ADAMTSL1: variants seen among roughly 807,000 people sequenced by gnomAD.
ADAMTSL1 encodes the protein ADAMTS like 1.
A neutral mutation model predicts 201.8 loss-of-function variants in ADAMTSL1; 126 were observed. The ratio of observed to expected loss-of-function variants is 0.62; its 90% CI spans 0.54 to 0.72. ADAMTSL1 has a LOEUF of 0.72. ADAMTSL1 is among the 30% of genes least tolerant of loss of function. The pLI, the probability that ADAMTSL1 is intolerant of heterozygous loss-of-function variation, is 0.00. For synonymous variants in ADAMTSL1, 1,121 were observed against 903.4 expected, an observed-to-expected ratio of 1.24 and a Z score of -4.32; for missense variants, 2,679 against 2,277.8, an observed-to-expected ratio of 1.18 and a Z score of -3.59.
chr9:17,996,888 A>C (rs571615339), intron 1 of ADAMTSL1, among the ~76,000 whole-genome samples: 1 of 152,298 alleles, frequency 6.6e-6, no homozygotes, highest in African/African-American at 2.4e-5. Flanking sequence ...TAAGCTGCAG[A>C]AGAATGATGA....
intron 3 of ADAMTSL1, among the ~76,000 whole-genome samples, chr9:18,545,259 T>C (rs1820403630): frequency 6.6e-6 from 1 of 152,132 alleles, no homozygotes; most frequent in Non-Finnish European, 1.5e-5. Flanking sequence ...ATAAGGAAAT[T>C]GGAACATTTA....
intron 15 of ADAMTSL1, among the ~76,000 whole-genome samples, chr9:18,746,708 C>G (rs1181450275): frequency 6.6e-6 from 1 of 151,582 alleles, no homozygotes; most frequent in African/African-American, 2.4e-5. Context: ...AGTCATCACC[C>G]TCTCTGAAAG....
At chr9:17,996,508 C>A (rs12002503) in intron 1 of ADAMTSL1, among the ~76,000 whole-genome samples, 7,112 of 152,062 alleles carry the variant, frequency 0.047, 382 homozygotes, top group African/African-American at 0.12. Context: ...GATCATTGGG[C>A]AAGGCAGAAT....
intron 2 of ADAMTSL1, among the ~76,000 whole-genome samples, chr9:18,463,858 C>A (rs1820900370): frequency 6.6e-6 from 1 of 152,160 alleles, no homozygotes; most frequent in South Asian, 2.1e-4. Flanking sequence ...ACTTTCATTT[C>A]TTTTGTGTAT....
intron 23 of ADAMTSL1, among the ~76,000 whole-genome samples, chr9:18,880,871 T>G (rs1000479977): frequency 1.3e-5 from 2 of 152,248 alleles, no homozygotes; most frequent in African/African-American, 4.8e-5. Flanking sequence ...GAAAATCTCT[T>G]GTGTTTAACA....
At chr9:18,257,344 T>G (rs1831728728) in intron 2 of ADAMTSL1, among the ~76,000 whole-genome samples, 1 of 152,160 alleles carries the variant, frequency 6.6e-6, no homozygotes. Context: ...CCAACTCAAT[T>G]AAAAATTTGC....
At chr9:18,290,338 C>G (rs1398399361) in intron 2 of ADAMTSL1, among the ~76,000 whole-genome samples, 2 of 150,058 alleles carry the variant, frequency 1.3e-5, no homozygotes, top group East Asian at 3.9e-4. Flanking sequence ...AGCAAGATGA[C>G]AAAGCAGTGA....
intron 2 of ADAMTSL1, among the ~76,000 whole-genome samples, chr9:18,258,507 C>T (rs1373846055): frequency 1.3e-5 from 2 of 152,162 alleles, no homozygotes; most frequent in Non-Finnish European, 2.9e-5. Flanking sequence ...CTCTCTTCTT[C>T]CCTTAATCTG....
chr9:18,606,250 A>C (rs1289948258), intron 4 of ADAMTSL1, among the ~76,000 whole-genome samples: 1 of 152,160 alleles, frequency 6.6e-6, no homozygotes, highest in Non-Finnish European at 1.5e-5. Context: ...ATTGAAAATA[A>C]ATTTTCAAGG....
intron 1 of ADAMTSL1, among the ~76,000 whole-genome samples, chr9:18,051,709 T>C (rs756627287): frequency 6.6e-6 from 1 of 152,192 alleles, no homozygotes. Flanking sequence ...AAGAAGCTCC[T>C]GTTATGAAGC....
rs529371041 is a variant in ADAMTSL1, at chr9:18,259,913, T to A, written c.207+95932T>A. Among the ~76,000 whole-genome samples, 8 of 152,336 alleles carry A rather than the reference T, an allele frequency of 5.3e-5. 1 individual carries two copies. Among genetic ancestry groups the A allele is most frequent in the African/African-American group, 1.7e-4 (7 of 41,570 alleles). On this transcript the variant is annotated intron_variant, in intron 2 of 29. Coordinates refer to the ADAMTSL1 transcript ENST00000680146. ...TGGTTGTTTCCTAGTCACTGTGAGATCATGATCTTTCTTTGTAACTACTTA... is the reference window on the plus strand; with the variant it reads ...TGGTTGTTTCCTAGTCACTGTGAGAACATGATCTTTCTTTGTAACTACTTA...
At chr9:18,407,639 A>G (rs916889614) in intron 2 of ADAMTSL1, among the ~76,000 whole-genome samples, 5 of 152,234 alleles carry the variant, frequency 3.3e-5, no homozygotes, top group Admixed American at 1.3e-4. Flanking sequence ...GAGATCAAGC[A>G]AGGTATCTAC....
At chr9:18,587,211 G>C (rs149864706) in intron 4 of ADAMTSL1, among the ~76,000 whole-genome samples, 1 of 152,018 alleles carries the variant, frequency 6.6e-6, no homozygotes, top group African/African-American at 2.4e-5. Flanking sequence ...ACTGACAAAC[G>C]TCTATTATCC....
intron 26 of ADAMTSL1, among the ~76,000 whole-genome samples, chr9:18,901,285 A>T (rs1370344568): frequency 6.6e-6 from 1 of 152,228 alleles, no homozygotes; most frequent in East Asian, 1.9e-4. Context: ...CCTGATTACA[A>T]GACATATTAA....
At chr9:18,599,710 A>T (rs1033923676) in intron 4 of ADAMTSL1, among the ~76,000 whole-genome samples, 2 of 151,880 alleles carry the variant, frequency 1.3e-5, no homozygotes, top group African/African-American at 4.8e-5. Flanking sequence ...CCTATGGATA[A>T]CTTCTGTTCT....
intron 2 of ADAMTSL1, among the ~76,000 whole-genome samples, chr9:18,179,536 A>G (rs975423080): frequency 2.6e-5 from 4 of 152,168 alleles, no homozygotes; most frequent in South Asian, 4.1e-4. Context: ...CACCACAAAG[A>G]TACTCCTCGA....
intron 2 of ADAMTSL1, among the ~76,000 whole-genome samples, chr9:18,279,958 A>G (rs974132384): frequency 6.6e-6 from 1 of 151,888 alleles, no homozygotes; most frequent in Non-Finnish European, 1.5e-5. Flanking sequence ...GTGCTTGCCT[A>G]GAGCCTATGC....
At chr9:18,560,281 A>G (rs2132274563) in intron 3 of ADAMTSL1, among the ~76,000 whole-genome samples, 1 of 152,182 alleles carries the variant, frequency 6.6e-6, no homozygotes, top group Non-Finnish European at 1.5e-5. Flanking sequence ...TGGTTTTGTC[A>G]TTGGTTCTGT....
intron 22 of ADAMTSL1, among the ~76,000 whole-genome samples, chr9:18,828,392 T>C (rs149267567): frequency 3.9e-5 from 6 of 152,060 alleles, no homozygotes; most frequent in African/African-American, 1.2e-4. Flanking sequence ...AGCACAGCTT[T>C]CATGAGTTTC....
Sources: allele counts gnomAD v4.1 joint callset (sites outside exome capture counted in the v4.1 genomes callset), GRCh38; gene constraint gnomAD v4.1.1; transcripts MANE v1.5; gene names NCBI Gene and HGNC (gene_info 2026-07-23, HGNC 2026-07-21).